Variants in ZNF131 observed in about 807,000 individuals in gnomAD.
The protein encoded by ZNF131 is zinc finger and BTB domain containing 35.
A neutral mutation model predicts 60.0 loss-of-function variants in ZNF131; 7 were observed. That is an observed-to-expected ratio of 0.12 (90% CI 0.07 to 0.22). ZNF131 has a LOEUF of 0.22. Ranked by LOEUF, ZNF131 falls within the 10% of genes least tolerant of loss-of-function variation. The pLI is 1.00. For missense variants in ZNF131, 493 were observed against 740.9 expected (o/e 0.67, Z 3.88); for synonymous variants, 257 against 253.2 (o/e 1.01, Z -0.14).
intron 3 of ZNF131, among the ~76,000 whole-genome samples, chr5:43,130,473 A>G (rs1745198460): frequency 6.6e-6 from 1 of 152,102 alleles, no homozygotes; most frequent in East Asian, 1.9e-4. Context: ...CTTCAAAATT[A>G]ATTTTCCTGA....
At chr5:43,141,410 G>A (rs1746805653) in intron 4 of ZNF131, among the ~76,000 whole-genome samples, 2 of 152,166 alleles carry the variant, frequency 1.3e-5, no homozygotes, top group South Asian at 4.1e-4. Flanking sequence ...CCAAAAGAAT[G>A]TTCTCTGTGG....
intron 4 of ZNF131, among the ~76,000 whole-genome samples, chr5:43,154,467 T>C (rs1748718126): frequency 6.6e-6 from 1 of 151,322 alleles, no homozygotes. Flanking sequence ...GCACCACTGA[T>C]AGCCCTGCAG....
chr5:43,161,084 G>A (rs930818733), intron 4 of ZNF131, among the ~76,000 whole-genome samples, 165 bp from the exon 5 acceptor site: 1 of 151,944 alleles, frequency 6.6e-6, no homozygotes, highest in African/African-American at 2.4e-5. Flanking sequence ...CAGTACTATT[G>A]TCTTAATTAC....
chr5:43,150,587 C>T (rs531145042), intron 4 of ZNF131, among the ~76,000 whole-genome samples: 107 of 152,164 alleles, frequency 7.0e-4, no homozygotes, highest in Non-Finnish European at 1.3e-3. Context: ...GTCAGGAGTT[C>T]GAGACCAGCC....
chr5:43,163,473 TC>T (rs1253553143), intron 5 of ZNF131, among the ~76,000 whole-genome samples: 2 of 152,208 alleles, frequency 1.3e-5, no homozygotes, highest in African/African-American at 2.4e-5. Context: ...TCCTGAGAAA[TC>T]TACCTCAGGG....
intron 4 of ZNF131, among the ~76,000 whole-genome samples, chr5:43,145,068 G>A (rs1006733815): frequency 5.3e-5 from 8 of 152,044 alleles, no homozygotes; most frequent in African/African-American, 1.7e-4. Context: ...CTGAGGCAGG[G>A]ATTATGTGTT....
intron 3 of ZNF131, among the ~76,000 whole-genome samples, chr5:43,138,407 A>G (rs1746402526): frequency 6.6e-6 from 1 of 152,170 alleles, no homozygotes; most frequent in Non-Finnish European, 1.5e-5. Flanking sequence ...TAATCCCAGC[A>G]CTTTGGGAGG....
chr5:43,127,008 C>A (rs942653891), intron 3 of ZNF131, among the ~76,000 whole-genome samples: 6 of 152,140 alleles, frequency 3.9e-5, no homozygotes, highest in Non-Finnish European at 7.4e-5. Context: ...GAGAAAAAAA[C>A]CAGGAAACTC....
At chr5:43,130,431 A>T (rs1392153802) in intron 3 of ZNF131, among the ~76,000 whole-genome samples, 1 of 152,140 alleles carries the variant, frequency 6.6e-6, no homozygotes, top group African/African-American at 2.4e-5. Flanking sequence ...ATTCAAAATG[A>T]TATTTTTTCT....
chr5:43,122,248 T>C (rs1197209747), intron 2 of ZNF131, 71 bp downstream of exon 2: 6 of 147,968 alleles, frequency 4.1e-5, no homozygotes, highest in East Asian at 1.9e-4. Context: ...ACACCCGCCT[T>C]TTTTTTTTTT....
intron 4 of ZNF131, among the ~76,000 whole-genome samples, chr5:43,151,827 G>A (rs1579826521): frequency 6.6e-6 from 1 of 152,156 alleles, no homozygotes; most frequent in African/African-American, 2.4e-5. Flanking sequence ...TGAAAGGAAA[G>A]TACTATTTGC....
chr5:43,167,833 A>C, intron 5 of ZNF131: 1 of 319,526 alleles, frequency 3.1e-6, no homozygotes, highest in South Asian at 2.6e-5. Context: ...CTTGTTTGTG[A>C]TGGAAGAGAC....
intron 4 of ZNF131, among the ~76,000 whole-genome samples, chr5:43,142,075 C>T (rs915639024): frequency 6.6e-6 from 1 of 151,708 alleles, no homozygotes; most frequent in Non-Finnish European, 1.5e-5. Flanking sequence ...GGCACGGTGG[C>T]TCACACCTGT....
intron 3 of ZNF131, chr5:43,125,053 T>A (rs1014639388): frequency 1.3e-5 from 2 of 151,098 alleles, no homozygotes; most frequent in South Asian, 2.1e-4. Context: ...AAAAGTCAGT[T>A]TATCATATTG....
Position 43,150,797 on chromosome 5 carries a change from A to C in ZNF131, c.372-10452A>C, listed in dbSNP as rs534805127. On this transcript the variant is annotated intron_variant, in intron 4 of 6. Coordinates refer to ENST00000682664, the MANE Select transcript of ZNF131 (RefSeq NM_001330707.2). Reference sequence around the variant, plus strand: ...TGTCCCAAAAACAAACAAAAAACACAGGGACCAGGACCTAATCCATTCAGT... The same window carrying C: ...TGTCCCAAAAACAAACAAAAAACACCGGGACCAGGACCTAATCCATTCAGT... Among the ~76,000 whole-genome samples, 3 of 152,282 alleles carry C rather than the reference A, an allele frequency of 2.0e-5. No individual in the cohort carries two copies. In the South Asian group the frequency reaches 6.2e-4, roughly 32 times the overall value.
intron 4 of ZNF131, chr5:43,143,459 C>A: frequency 1.5e-6 from 2 of 1,336,890 alleles, no homozygotes; most frequent in Non-Finnish European, 2.0e-6. Context: ...TTCAACTACA[C>A]GCTGTATTTG....
intron 1 of ZNF131, 174 bp from the exon 2 acceptor site, chr5:43,121,865 C>T (rs1014393356): frequency 3.2e-6 from 2 of 633,538 alleles, no homozygotes; most frequent in Non-Finnish European, 4.9e-6. Flanking sequence ...GCTCCGGTCT[C>T]AACGCTCCGG....
chr5:43,165,083 T>A (rs1750185038), intron 5 of ZNF131, among the ~76,000 whole-genome samples: 1 of 152,244 alleles, frequency 6.6e-6, no homozygotes, highest in Admixed American at 6.5e-5. Flanking sequence ...CCTGAGTAGC[T>A]GGGACTACAG....
chr5:43,146,936 C>T (rs1389330056), intron 4 of ZNF131, among the ~76,000 whole-genome samples: 3 of 151,926 alleles, frequency 2.0e-5, no homozygotes, highest in African/African-American at 4.8e-5. Context: ...TACAGTGATA[C>T]AGACACCACC....
Sources: allele counts gnomAD v4.1 joint callset (sites outside exome capture counted in the v4.1 genomes callset), GRCh38; gene constraint gnomAD v4.1.1; transcripts MANE v1.5; gene names NCBI Gene and HGNC (gene_info 2026-07-23, HGNC 2026-07-21).